IGSF21: variants seen among roughly 807,000 people sequenced by gnomAD.
The protein encoded by IGSF21 is immunoglobulin superfamily member 21.
A neutral mutation model predicts 46.8 loss-of-function variants in IGSF21; 28 were observed. The observed-to-expected ratio is 0.60, with a 90% CI of 0.44 to 0.82. The LOEUF (loss-of-function observed/expected upper bound fraction) is 0.82. IGSF21 is among the 40% of genes least tolerant of loss of function. The pLI is 0.00. For synonymous variants in IGSF21, 284 were observed against 273.6 expected, an observed-to-expected ratio of 1.04 and a Z score of -0.38; for missense variants, 624 against 665.5, an observed-to-expected ratio of 0.94 and a Z score of 0.69.
rs2085748663 is a variant in IGSF21 at position 18,334,721 on chromosome 1, G to T, written c.306-171G>T. On this transcript the variant is annotated intron_variant, in intron 3 of 9. Coordinates refer to ENST00000251296, the MANE Select transcript of IGSF21 (RefSeq NM_032880.5). The surrounding 1 kb of genome is among the most constrained non-coding windows in gnomAD (Gnocchi z 4.3). ...TCACTGTCTGAGATGCCGAGCACAG[G>T]GTCTGCATACAGTCGGTGTTCCATA... Among the ~76,000 whole-genome samples, 1 of 152,098 alleles carries T rather than the reference G, an allele frequency of 6.6e-6. No homozygotes were observed. Among genetic ancestry groups the T allele is most frequent in the Admixed American group, 6.5e-5 (1 of 15,280 alleles).
At chr1:18,146,775 C>T (rs781534603) in intron 1 of IGSF21, among the ~76,000 whole-genome samples, 3 of 152,128 alleles carry the variant, frequency 2.0e-5, no homozygotes, top group Non-Finnish European at 2.9e-5. Context: ...CTCTTCATGA[C>T]GCTCTCCCAT....
intron 6 of IGSF21, among the ~76,000 whole-genome samples, chr1:18,370,826 C>T (rs1296472389): frequency 6.6e-6 from 1 of 152,264 alleles, no homozygotes; most frequent in Non-Finnish European, 1.5e-5. Flanking sequence ...TAAAAACCTA[C>T]ACTACATTAT....
chr1:18,280,868 T>C (rs527670297), intron 2 of IGSF21, among the ~76,000 whole-genome samples: 2 of 152,296 alleles, frequency 1.3e-5, no homozygotes, highest in African/African-American at 4.8e-5. Flanking sequence ...AAGGCTCTGC[T>C]TCAACCTCCA....
chr1:18,165,415 C>T lies in IGSF21; in HGVS notation c.70+57217C>T, dbSNP rs114319063. Among the ~76,000 whole-genome samples, 1,136 of 152,198 alleles carry T rather than the reference C, an allele frequency of 7.5e-3. 51 individuals are homozygous for T. The highest frequency in any genetic ancestry group is 0.068 in the Admixed American group (1,037 of 15,286). The stretch of plus-strand genomic sequence containing the variant: ...CTCTTGTGCCTCCAAATTATTTCTT[C>T]TTATAAGGACACTAGTCAGAGCAGA... On this transcript the variant is annotated intron_variant, in intron 1 of 9. Coordinates refer to ENST00000251296, the MANE Select transcript of IGSF21 (RefSeq NM_032880.5).
At chr1:18,202,946 C>A (rs1227429435) in intron 1 of IGSF21, among the ~76,000 whole-genome samples, 1 of 152,198 alleles carries the variant, frequency 6.6e-6, no homozygotes, top group Non-Finnish European at 1.5e-5. Context: ...GTCCATTAGA[C>A]CCATCCCAGT....
Position 18,335,065 on chromosome 1 carries a change from G to T in IGSF21, c.424+55G>T. The T allele has an allele frequency of 2.9e-6, 4 of 1,394,208 alleles. No homozygotes were observed. The highest frequency in any genetic ancestry group is 1.2e-5 in the South Asian group (1 of 86,496). The allele number at this position is 1,394,208 out of a possible 1,614,324, so 86.4% of individuals were successfully genotyped here. On this transcript the variant is annotated intron_variant, in intron 4 of 9. Transcript: ENST00000251296. The surrounding 1 kb of genome is among the most constrained non-coding windows in gnomAD (Gnocchi z 4.8). ...CTCAGTGAGGAGGACGAGTATGCTT[G>T]AGTGTGTGAATGTGCGCACAGAGTG...
At chr1:18,173,213 G>T (rs566216298) in intron 1 of IGSF21, among the ~76,000 whole-genome samples, 56 of 152,216 alleles carry the variant, frequency 3.7e-4, no homozygotes, top group Non-Finnish European at 6.6e-4. Context: ...GCGTGAACCC[G>T]GGAGGCGGAG....
chr1:18,152,402 A>C (rs539195825), intron 1 of IGSF21, among the ~76,000 whole-genome samples: 2 of 152,328 alleles, frequency 1.3e-5, no homozygotes, highest in African/African-American at 4.8e-5. Context: ...GTCAGAGCAG[A>C]TCCCTTGAGA....
At chr1:18,137,644 T>A (rs1305503972) in intron 1 of IGSF21, among the ~76,000 whole-genome samples, 1 of 152,160 alleles carries the variant, frequency 6.6e-6, no homozygotes, top group Non-Finnish European at 1.5e-5. Context: ...TTTGGGGGGA[T>A]GGAGACATAG....
At chr1:18,146,628 T>A (rs2086469386) in intron 1 of IGSF21, among the ~76,000 whole-genome samples, 1 of 152,176 alleles carries the variant, frequency 6.6e-6, no homozygotes, top group Admixed American at 6.5e-5. Flanking sequence ...GGAGAGGAAC[T>A]GAGCGTTCAG....
intron 1 of IGSF21, among the ~76,000 whole-genome samples, chr1:18,133,696 C>T (rs1002646871): frequency 5.3e-5 from 8 of 152,218 alleles, no homozygotes; most frequent in African/African-American, 7.2e-5. Context: ...ACTTTCCTCC[C>T]GTGACCCCTG....
chr1:18,142,641 C>T (rs2086424653), intron 1 of IGSF21, among the ~76,000 whole-genome samples: 1 of 152,220 alleles, frequency 6.6e-6, no homozygotes, highest in South Asian at 2.1e-4. Flanking sequence ...GATAAAATCC[C>T]AAGCCCCACA....
chr1:18,221,539 T>C (rs1189310366), intron 1 of IGSF21, among the ~76,000 whole-genome samples: 2 of 152,096 alleles, frequency 1.3e-5, no homozygotes, highest in African/African-American at 4.8e-5. Flanking sequence ...GTAGGAGCTA[T>C]TTGTCATCAC....
intron 2 of IGSF21, among the ~76,000 whole-genome samples, chr1:18,253,810 AAG>A (rs1383270371): frequency 6.6e-6 from 1 of 152,210 alleles, no homozygotes; most frequent in African/African-American, 2.4e-5. Flanking sequence ...GAGAAGCCAA[AAG>A]AGAGAAATGA....
intron 3 of IGSF21, among the ~76,000 whole-genome samples, chr1:18,326,504 C>CCT (rs1330614182): frequency 6.6e-6 from 1 of 152,192 alleles, no homozygotes; most frequent in Non-Finnish European, 1.5e-5. Context: ...AAATGAAAAG[C>CCT]CTCTCTCATC....
At chr1:18,236,637 C>A (rs1373070369) in intron 2 of IGSF21, among the ~76,000 whole-genome samples, 2 of 152,156 alleles carry the variant, frequency 1.3e-5, no homozygotes, top group East Asian at 1.9e-4. Flanking sequence ...CAGTGCTAGA[C>A]CCTTGGGCAC....
intron 1 of IGSF21, among the ~76,000 whole-genome samples, chr1:18,166,139 A>G (rs1011803280): frequency 1.3e-5 from 2 of 152,196 alleles, no homozygotes; most frequent in African/African-American, 4.8e-5. Context: ...TCTTTACAGA[A>G]CCAGGGAACA....
chr1:18,175,911 C>A (rs976835568), intron 1 of IGSF21, among the ~76,000 whole-genome samples: 1 of 152,342 alleles, frequency 6.6e-6, no homozygotes, highest in African/African-American at 2.4e-5. Context: ...GAGGGCAGTG[C>A]CTGTTCCCTG....
intron 1 of IGSF21, among the ~76,000 whole-genome samples, chr1:18,157,127 C>G (rs1171225009): frequency 6.6e-6 from 1 of 150,678 alleles, no homozygotes; most frequent in African/African-American, 2.4e-5. Flanking sequence ...GACTCCACCT[C>G]AAAAAAGAAA....
Sources: allele counts gnomAD v4.1 joint callset (sites outside exome capture counted in the v4.1 genomes callset), GRCh38; gene constraint gnomAD v4.1.1; non-coding constraint Gnocchi (gnomAD v3.1); transcripts MANE v1.5; gene names NCBI Gene and HGNC (gene_info 2026-07-23, HGNC 2026-07-21).